ADGRB3: variants seen among roughly 807,000 people sequenced by gnomAD.
The protein encoded by ADGRB3 is adhesion G protein-coupled receptor B3.
Under a neutral mutation model 193.4 loss-of-function variants are expected in ADGRB3, and 37 were observed. The ratio of observed to expected loss-of-function variants is 0.19; its 90% CI spans 0.15 to 0.25. The LOEUF (loss-of-function observed/expected upper bound fraction) is 0.25, where lower values mean the gene tolerates loss of function less well. ADGRB3 is among the 10% of genes least tolerant of loss of function. ADGRB3 has a pLI of 1.00. For synonymous variants in ADGRB3, 690 were observed against 644.2 expected, an observed-to-expected ratio of 1.07 and a Z score of -1.08; for missense variants, 1,637 against 1,852.9, an observed-to-expected ratio of 0.88 and a Z score of 2.14.
At chr6:69,269,151 T>C (rs867644691) in intron 20 of ADGRB3, among the ~76,000 whole-genome samples, 24 of 152,080 alleles carry the variant, frequency 1.6e-4, no homozygotes, top group African/African-American at 5.8e-4. Context: ...AACCTACAAA[T>C]GTTAAATATC....
At chr6:68,906,540 A>C (rs1312388445) in intron 3 of ADGRB3, among the ~76,000 whole-genome samples, 2 of 151,984 alleles carry the variant, frequency 1.3e-5, no homozygotes, top group African/African-American at 4.8e-5. Context: ...GAAATTTTAA[A>C]GTTGCTAATA....
intron 27 of ADGRB3, 144 bp downstream of exon 27, chr6:69,354,472 C>T (rs1215967299): frequency 1.5e-6 from 1 of 674,316 alleles, no homozygotes; most frequent in Admixed American, 2.6e-5. Flanking sequence ...ACTCTGGTAC[C>T]ACAGAAGTAT....
intron 3 of ADGRB3, among the ~76,000 whole-genome samples, chr6:68,677,346 A>G (rs986368570): frequency 6.6e-6 from 1 of 152,078 alleles, no homozygotes; most frequent in Non-Finnish European, 1.5e-5. Flanking sequence ...CTTAAGAGTT[A>G]TTTTAAGTTG....
chr6:68,803,147 G>T (rs1767343373), intron 3 of ADGRB3, among the ~76,000 whole-genome samples: 1 of 151,792 alleles, frequency 6.6e-6, no homozygotes, highest in Non-Finnish European at 1.5e-5. Flanking sequence ...TATCTTACTG[G>T]ATTGCCCTTC....
intron 20 of ADGRB3, among the ~76,000 whole-genome samples, chr6:69,315,443 T>C (rs987841665): frequency 2.0e-5 from 3 of 151,578 alleles, no homozygotes; most frequent in African/African-American, 7.3e-5. Context: ...AACTATCATT[T>C]ATCAAGCACT....
intron 16 of ADGRB3, among the ~76,000 whole-genome samples, chr6:69,067,317 C>T (rs1771938828): frequency 6.6e-6 from 1 of 152,098 alleles, no homozygotes; most frequent in African/African-American, 2.4e-5. Flanking sequence ...TGCGTGCATT[C>T]TAATAGCATG....
intron 3 of ADGRB3, among the ~76,000 whole-genome samples, chr6:68,895,092 A>G (rs926165575): frequency 6.6e-6 from 1 of 151,972 alleles, no homozygotes; most frequent in African/African-American, 2.4e-5. Flanking sequence ...AAATTCTAGA[A>G]CGTATTCTTT....
intron 3 of ADGRB3, among the ~76,000 whole-genome samples, chr6:68,715,087 A>G (rs1223152561): frequency 6.6e-6 from 1 of 151,826 alleles, no homozygotes; most frequent in Non-Finnish European, 1.5e-5. Context: ...AGACTTTGAA[A>G]CTATTTCTTT....
chr6:68,810,559 C>G (rs969056293), intron 3 of ADGRB3, among the ~76,000 whole-genome samples: 1 of 152,162 alleles, frequency 6.6e-6, no homozygotes, highest in Non-Finnish European at 1.5e-5. Context: ...AGGAAGTCAA[C>G]GGATCTTTCC....
intron 3 of ADGRB3, among the ~76,000 whole-genome samples, chr6:68,850,201 C>A (rs1768369385): frequency 6.6e-6 from 1 of 151,700 alleles, no homozygotes; most frequent in Non-Finnish European, 1.5e-5. Flanking sequence ...ACCATGGATT[C>A]TCGATTGCTC....
intron 13 of ADGRB3, among the ~76,000 whole-genome samples, chr6:69,046,074 A>G (rs1297043992): frequency 2.0e-5 from 3 of 152,176 alleles, no homozygotes; most frequent in Non-Finnish European, 2.9e-5. Flanking sequence ...AAAGTGATGT[A>G]TGGTTCATAC....
intron 20 of ADGRB3, among the ~76,000 whole-genome samples, chr6:69,265,580 A>C (rs1767022898): frequency 6.6e-6 from 1 of 152,000 alleles, no homozygotes; most frequent in Non-Finnish European, 1.5e-5. Context: ...ATTTAGATGG[A>C]AAGTTACCAA....
At chr6:68,679,134 T>C (rs976707168) in intron 3 of ADGRB3, among the ~76,000 whole-genome samples, 1 of 152,200 alleles carries the variant, frequency 6.6e-6, no homozygotes, top group Non-Finnish European at 1.5e-5. Context: ...AAATTCAATA[T>C]TTGTTAGATA....
intron 4 of ADGRB3, among the ~76,000 whole-genome samples, chr6:68,934,309 C>A (rs1767427609): frequency 6.6e-6 from 1 of 152,190 alleles, no homozygotes; most frequent in South Asian, 2.1e-4. Context: ...ATCAAACTCT[C>A]ATGATCCAGT....
chr6:69,378,607 T>C (rs997070636), intron 30 of ADGRB3, among the ~76,000 whole-genome samples: 2 of 152,072 alleles, frequency 1.3e-5, no homozygotes, highest in East Asian at 3.9e-4. Flanking sequence ...ATATCCTTTT[T>C]TAAATCTTCA....
chr6:69,079,994 A>G (rs1772341182), intron 17 of ADGRB3, among the ~76,000 whole-genome samples: 1 of 152,112 alleles, frequency 6.6e-6, no homozygotes, highest in South Asian at 2.1e-4. Context: ...CAACAGTCAC[A>G]TCTTGACTGA....
At chr6:69,202,194 G>C (rs1263451715) in intron 17 of ADGRB3, among the ~76,000 whole-genome samples, 5 of 152,098 alleles carry the variant, frequency 3.3e-5, no homozygotes, top group Non-Finnish European at 7.4e-5. Flanking sequence ...ATGTTGATAG[G>C]CAAGTTGTCT....
chr6:68,898,514 T>G (rs1222252841), intron 3 of ADGRB3, among the ~76,000 whole-genome samples: 3 of 152,156 alleles, frequency 2.0e-5, no homozygotes, highest in African/African-American at 7.2e-5. Context: ...CACAACATTA[T>G]AGCAAAACTT....
At chr6:68,774,910 G>T (rs892668350) in intron 3 of ADGRB3, among the ~76,000 whole-genome samples, 4 of 152,004 alleles carry the variant, frequency 2.6e-5, no homozygotes, top group Admixed American at 6.6e-5. Context: ...GCAGAATACT[G>T]CTCTATAAAT....
Sources: gnomAD v4.1 joint callset for allele counts (sites outside exome capture counted in the v4.1 genomes callset) on GRCh38, gnomAD v4.1.1 for gene constraint, MANE v1.5 for transcripts, NCBI Gene and HGNC (gene_info 2026-07-23, HGNC 2026-07-21) for gene names.